CDH13: variants seen among roughly 807,000 people sequenced by gnomAD.
The protein encoded by CDH13 is cadherin 13, also known as cadherin-13.
In CDH13, 24 loss-of-function variants were observed where a neutral mutation model predicts 63.8. That is an observed-to-expected ratio of 0.38 (90% CI 0.27 to 0.53). CDH13 has a LOEUF of 0.53. CDH13 is among the 20% of genes least tolerant of loss of function. The pLI, the probability that CDH13 is intolerant of heterozygous loss-of-function variation, is 0.85. For missense variants in CDH13, 1,049 were observed against 903.1 expected (o/e 1.16, Z -2.07); for synonymous variants, 503 against 355.3 (o/e 1.42, Z -4.67).
intron 2 of CDH13, among the ~76,000 whole-genome samples, chr16:82,895,197 C>T (rs1048896828): frequency 2.0e-5 from 3 of 152,150 alleles, no homozygotes; most frequent in African/African-American, 4.8e-5. Flanking sequence ...ATTAAGCAGC[C>T]GTTCTGCATT....
chr16:83,377,181 A>G (rs2091475286), intron 6 of CDH13, among the ~76,000 whole-genome samples: 1 of 152,220 alleles, frequency 6.6e-6, no homozygotes, highest in African/African-American at 2.4e-5. Flanking sequence ...AAATGTTTAG[A>G]TGTTTTCATT....
intron 8 of CDH13, among the ~76,000 whole-genome samples, chr16:83,653,841 G>A (rs544814135): frequency 3.3e-5 from 5 of 152,168 alleles, no homozygotes; most frequent in South Asian, 2.1e-4. Flanking sequence ...TGGTTTGTCC[G>A]CTGCTGTGTC....
chr16:83,451,268 G>A lies in CDH13; in HGVS notation c.782-35209G>A, dbSNP rs908739612. ...AGGCCTCACAATCATGGCAGAAGGC[G>A]AAGGAGGAGCAAAGTTACATCTTAC... On this transcript the variant is annotated intron_variant, in intron 6 of 13. Coordinates refer to ENST00000567109, the MANE Select transcript of CDH13 (RefSeq NM_001257.5). Among the ~76,000 whole-genome samples, 14 of 152,208 alleles carry A rather than the reference G, an allele frequency of 9.2e-5. 1 individual carries two copies. The highest frequency in any genetic ancestry group is 3.9e-4 in the East Asian group (2 of 5,192).
At chr16:83,005,480 C>G (rs1913393657) in intron 2 of CDH13, among the ~76,000 whole-genome samples, 1 of 152,156 alleles carries the variant, frequency 6.6e-6, no homozygotes, top group Non-Finnish European at 1.5e-5. Flanking sequence ...TGAGCTAGGC[C>G]ACTCCCACCA....
intron 1 of CDH13, among the ~76,000 whole-genome samples, chr16:82,828,889 GA>G (rs2038389677): frequency 2.0e-5 from 3 of 152,202 alleles, no homozygotes; most frequent in Admixed American, 6.5e-5. Flanking sequence ...TGGTATTTGA[GA>G]AAAATCCTGG....
intron 3 of CDH13, among the ~76,000 whole-genome samples, chr16:83,095,532 T>C (rs1282003456): frequency 6.6e-6 from 1 of 152,224 alleles, no homozygotes; most frequent in East Asian, 1.9e-4. Flanking sequence ...ATAATGCAAA[T>C]ATCACGTTAT....
At chr16:83,168,298 T>C (rs1335014627) in intron 4 of CDH13, among the ~76,000 whole-genome samples, 1 of 152,086 alleles carries the variant, frequency 6.6e-6, no homozygotes, top group African/African-American at 2.4e-5. Context: ...TACCATCCAA[T>C]GGACGGTGCC....
chr16:83,752,682 C>G (rs539947998), intron 11 of CDH13, among the ~76,000 whole-genome samples: 2 of 152,236 alleles, frequency 1.3e-5, no homozygotes, highest in East Asian at 3.8e-4. Flanking sequence ...CCTGTATGAA[C>G]TGTCTGGCTG....
intron 1 of CDH13, among the ~76,000 whole-genome samples, chr16:82,830,039 A>G (rs945900802): frequency 6.6e-6 from 1 of 152,220 alleles, no homozygotes; most frequent in Non-Finnish European, 1.5e-5. Context: ...TCATAGATAT[A>G]TCTCATTTAA....
At chr16:82,747,567 GAATCAGA>G (rs1451572542) in intron 1 of CDH13, among the ~76,000 whole-genome samples, 2 of 150,770 alleles carry the variant, frequency 1.3e-5, no homozygotes, top group East Asian at 3.8e-4. Context: ...CCTCAGGTCC[GAATCAGA>G]AACTTTGGAG....
chr16:82,660,060 C>G (rs1376574628), intron 1 of CDH13, among the ~76,000 whole-genome samples: 1 of 152,140 alleles, frequency 6.6e-6, no homozygotes, highest in African/African-American at 2.4e-5. Context: ...AACAGCAGCA[C>G]TGGGAAAATG....
intron 2 of CDH13, among the ~76,000 whole-genome samples, chr16:82,996,416 T>C (rs72792147): frequency 0.13 from 19,168 of 151,990 alleles, 1,558 homozygotes; most frequent in African/African-American, 0.23. Context: ...TCTTAGGCGG[T>C]TGTGCAAAAG....
At chr16:83,290,271 T>C (rs2089434417) in intron 5 of CDH13, among the ~76,000 whole-genome samples, 1 of 152,184 alleles carries the variant, frequency 6.6e-6, no homozygotes, top group South Asian at 2.1e-4. Context: ...AACAATTCAC[T>C]CTTCAGTCCC....
chr16:83,450,255 C>A (rs1174205772), intron 6 of CDH13, among the ~76,000 whole-genome samples: 4 of 152,344 alleles, frequency 2.6e-5, no homozygotes, highest in Non-Finnish European at 5.9e-5. Context: ...TCTCTCTTAG[C>A]TGCTTAGGCT....
Position 82,646,760 on chromosome 16 carries a change from G to A in CDH13, c.45+19623G>A, listed in dbSNP as rs1006716065. 5.3e-5 allele frequency among the ~76,000 whole-genome samples: 8 copies of A among 152,170 alleles called. No individual in the cohort carries two copies. In the East Asian group the frequency reaches 1.5e-3, roughly 29 times the overall value. On this transcript the variant is annotated intron_variant, in intron 1 of 13. Transcript: ENST00000567109. ...ATGTCAGTAGCAGGCATGGGCAAAG[G>A]AAGGAGAAAGTAATGATCAAGATGA...
intron 6 of CDH13, among the ~76,000 whole-genome samples, chr16:83,450,722 T>C (rs1428692706): frequency 1.3e-5 from 2 of 151,970 alleles, no homozygotes; most frequent in Admixed American, 6.6e-5. Context: ...TATAAAAAAT[T>C]AGCCAGGCAT....
chr16:83,494,889 G>C (rs954278240), intron 7 of CDH13, among the ~76,000 whole-genome samples: 2 of 152,156 alleles, frequency 1.3e-5, no homozygotes, highest in South Asian at 2.1e-4. Flanking sequence ...TAAAAGCCGT[G>C]ATCAACCTTA....
In CDH13 at chr16:83,047,446, G is replaced by C. The variant is rs1030761713; in HGVS notation, c.366+15228G>C. Among the ~76,000 whole-genome samples, 3 of 152,106 alleles carry C rather than the reference G, an allele frequency of 2.0e-5. No homozygotes were observed. The highest frequency in any genetic ancestry group is 4.8e-5 in the African/African-American group (2 of 41,416). ...CTAGTCTGTAAGAGCGTGACCACCA[G>C]TCTTATTTACCTTGTTATCTGTAAT... is the stretch of plus-strand genomic sequence containing the variant. On this transcript the variant is annotated intron_variant, in intron 3 of 13. Transcript: ENST00000567109. The surrounding 1 kb of genome is among the most constrained non-coding windows in gnomAD (Gnocchi z 4.9).
chr16:82,852,866 C>G (rs965316040), intron 1 of CDH13, among the ~76,000 whole-genome samples: 9 of 152,164 alleles, frequency 5.9e-5, no homozygotes, highest in African/African-American at 2.2e-4. Flanking sequence ...ATCCCTTATG[C>G]TGCCAGTTGG....
Sources: allele counts gnomAD v4.1 joint callset (sites outside exome capture counted in the v4.1 genomes callset), GRCh38; gene constraint gnomAD v4.1.1; non-coding constraint Gnocchi (gnomAD v3.1); transcripts MANE v1.5; gene names NCBI Gene and HGNC (gene_info 2026-07-23, HGNC 2026-07-21).